Variants in KCNG3 observed in about 807,000 individuals in gnomAD.
The protein encoded by KCNG3 is voltage-gated potassium channel regulatory subunit KCNG3.
Under a neutral mutation model 29.0 loss-of-function variants are expected in KCNG3, and 15 were observed. The ratio of observed to expected loss-of-function variants is 0.52; its 90% CI spans 0.35 to 0.80. The LOEUF is 0.80. Among genes scored for constraint, KCNG3 ranks in the 30% least tolerant of loss-of-function variants. The pLI, the probability that KCNG3 is intolerant of heterozygous loss-of-function variation, is 0.01. For synonymous variants in KCNG3, 322 were observed against 248.9 expected (o/e 1.29, Z -2.76); for missense variants, 512 against 605.7 (o/e 0.85, Z 1.62).
chr2:42,462,625 T>C (rs932710626), intron 1 of KCNG3, among the ~76,000 whole-genome samples: 34 of 152,190 alleles, frequency 2.2e-4, no homozygotes, highest in African/African-American at 7.5e-4. Flanking sequence ...GACGTTACAG[T>C]GGGCTGAGAC....
the KCNG3 span, among the ~76,000 whole-genome samples, chr2:42,420,067 T>G: frequency 6.6e-6 from 1 of 151,836 alleles, no homozygotes; most frequent in East Asian, 1.9e-4. Context: ...CTACTAAAAA[T>G]ACAAAAATTA....
At chr2:42,433,831 A>T in the KCNG3 span, among the ~76,000 whole-genome samples, 2 of 152,148 alleles carry the variant, frequency 1.3e-5, no homozygotes, top group Non-Finnish European at 2.9e-5. Context: ...CTTTTCCTTA[A>T]AGCTGGGGAC....
chr2:42,490,675 T>C lies in KCNG3; in HGVS notation c.665+2162A>G, dbSNP rs1424456975. ...TTGAACATAACAGATATTCAAAAGA[T>C]GTTTGCAAACTATGATGGAGTAAGT... On this transcript the variant is annotated intron_variant, in intron 1 of 1. Coordinates refer to ENST00000306078, the MANE Select transcript of KCNG3 (RefSeq NM_133329.6). 2.6e-5 allele frequency among the ~76,000 whole-genome samples: 4 copies of C among 152,212 alleles called. No individual in the cohort carries two copies. In the South Asian group the frequency reaches 6.2e-4, roughly 24 times the overall value.
chr2:42,483,025 G>C (rs1372305193), intron 1 of KCNG3, among the ~76,000 whole-genome samples: 1 of 152,122 alleles, frequency 6.6e-6, no homozygotes, highest in Non-Finnish European at 1.5e-5. Context: ...GGAGGCTACA[G>C]TGGGAGGATC....
chr2:42,389,044 A>T, the KCNG3 span, among the ~76,000 whole-genome samples: 1 of 152,012 alleles, frequency 6.6e-6, no homozygotes, highest in South Asian at 2.1e-4. Context: ...CAGCCTCCCG[A>T]GTAGCTGGGA....
At chr2:42,412,532 T>G in the KCNG3 span, among the ~76,000 whole-genome samples, 1 of 152,224 alleles carries the variant, frequency 6.6e-6, no homozygotes, top group Non-Finnish European at 1.5e-5. Context: ...TGTAAATTTG[T>G]CAAATTCTAT....
intron 1 of KCNG3, among the ~76,000 whole-genome samples, chr2:42,466,392 A>G (rs1169116519): frequency 5.3e-5 from 8 of 152,348 alleles, no homozygotes; most frequent in Admixed American, 5.2e-4. Flanking sequence ...TCAGCAACAG[A>G]GAGAGACTCT....
intron 1 of KCNG3, among the ~76,000 whole-genome samples, chr2:42,445,527 C>A (rs551106430): frequency 1.3e-5 from 2 of 152,128 alleles, no homozygotes; most frequent in African/African-American, 4.8e-5. Context: ...GAAACGAGGC[C>A]GAGGACTCCC....
intron 1 of KCNG3, among the ~76,000 whole-genome samples, chr2:42,458,351 C>A (rs1672930052): frequency 1.3e-5 from 2 of 152,162 alleles, no homozygotes; most frequent in African/African-American, 4.8e-5. Context: ...CCTGAGGAAT[C>A]TGGCCTCTGC....
At chr2:42,395,037 A>G in the KCNG3 span, among the ~76,000 whole-genome samples, 1 of 152,132 alleles carries the variant, frequency 6.6e-6, no homozygotes, top group African/African-American at 2.4e-5. Flanking sequence ...TCTCAACCAA[A>G]ATGCTCATCA....
chr2:42,398,325 C>T, the KCNG3 span, among the ~76,000 whole-genome samples: 1 of 152,050 alleles, frequency 6.6e-6, no homozygotes, highest in Non-Finnish European at 1.5e-5. Flanking sequence ...GAGATCAGTG[C>T]TTTTTGCCAT....
chr2:42,463,269 G>T, intron 1 of KCNG3: 1 of 246,240 alleles, frequency 4.1e-6, no homozygotes, highest in South Asian at 6.0e-5. Context: ...TATCAGGCTA[G>T]GGTTGTACAC....
chr2:42,475,148 A>C (rs1033225062), intron 1 of KCNG3, among the ~76,000 whole-genome samples: 2 of 152,132 alleles, frequency 1.3e-5, no homozygotes, highest in African/African-American at 4.8e-5. Flanking sequence ...TGCAACAACA[A>C]AAAATAGGCT....
At chr2:42,398,879 A>C in the KCNG3 span, among the ~76,000 whole-genome samples, 3 of 152,128 alleles carry the variant, frequency 2.0e-5, no homozygotes, top group Non-Finnish European at 2.9e-5. Context: ...TCGAAGAGAG[A>C]CACCAAGGGT....
intron 1 of KCNG3, among the ~76,000 whole-genome samples, chr2:42,454,003 A>G (rs1256069719): frequency 6.6e-6 from 1 of 152,106 alleles, no homozygotes; most frequent in Non-Finnish European, 1.5e-5. Flanking sequence ...TCCAAAGTTA[A>G]TAAGGCCAAT....
At chr2:42,483,884 T>C (rs982965719) in intron 1 of KCNG3, among the ~76,000 whole-genome samples, 6 of 152,248 alleles carry the variant, frequency 3.9e-5, no homozygotes, top group Admixed American at 3.9e-4. Flanking sequence ...CTCTAACTTC[T>C]AGGTTCAAGT....
At chr2:42,409,589 A>G in the KCNG3 span, among the ~76,000 whole-genome samples, 1 of 149,750 alleles carries the variant, frequency 6.7e-6, no homozygotes, top group Admixed American at 6.7e-5. Context: ...CTGTAGTCCC[A>G]GCTACTCGGG....
the KCNG3 span, among the ~76,000 whole-genome samples, chr2:42,401,883 C>G: frequency 0.015 from 2,275 of 152,068 alleles, 32 homozygotes; most frequent in Middle Eastern, 0.024. Flanking sequence ...GAATCCGTCT[C>G]AAAAAACAAA....
At chr2:42,467,349 A>T (rs950952445) in intron 1 of KCNG3, among the ~76,000 whole-genome samples, 4 of 152,166 alleles carry the variant, frequency 2.6e-5, no homozygotes, top group Admixed American at 2.0e-4. Context: ...AATAATTAAA[A>T]AAGCAGTCAC....
Sources: allele counts gnomAD v4.1 joint callset (sites outside exome capture counted in the v4.1 genomes callset), GRCh38; gene constraint gnomAD v4.1.1; transcripts MANE v1.5; gene names NCBI Gene and HGNC (gene_info 2026-07-23, HGNC 2026-07-21).